The following ULK4 variants were observed in gnomAD, a reference collection of about 807,000 sequenced individuals.
ULK4 encodes the protein inactive serine/threonine-protein kinase ULK4.
Under a neutral mutation model 160.6 loss-of-function variants are expected in ULK4, and 133 were observed. The observed-to-expected ratio is 0.83, with a 90% confidence interval of 0.72 to 0.96. The LOEUF is 0.96. ULK4 is among the 40% of genes least tolerant of loss of function. The probability of loss-of-function intolerance (pLI) is 0.00; values close to 1 mark genes in which losing one functional copy is unlikely to be tolerated. For missense variants in ULK4, 1,580 were observed against 1,499.5 expected, an observed-to-expected ratio of 1.05 and a Z score of -0.89; for synonymous variants, 534 against 539.8, an observed-to-expected ratio of 0.99 and a Z score of 0.15.
intron 31 of ULK4, among the ~76,000 whole-genome samples, chr3:41,595,596 A>G (rs2031639021): frequency 6.6e-6 from 1 of 152,212 alleles, no homozygotes; most frequent in Non-Finnish European, 1.5e-5. Context: ...AGCAAAGGAG[A>G]CCAAGAAGTT....
intron 30 of ULK4, 29 bp from the exon 31 acceptor site, chr3:41,615,746 G>A: frequency 6.2e-7 from 1 of 1,602,614 alleles, no homozygotes; most frequent in South Asian, 1.1e-5. Flanking sequence ...AAAGATAAGT[G>A]CACATTAGAC....
intron 17 of ULK4, chr3:41,882,139 C>G (rs997443024): frequency 1.4e-6 from 1 of 697,666 alleles, no homozygotes; most frequent in Admixed American, 2.0e-5. Context: ...CACTGCCACA[C>G]GGAGTCCCAA....
chr3:41,571,239 C>A (rs147207541), intron 31 of ULK4, among the ~76,000 whole-genome samples: 303 of 152,266 alleles, frequency 2.0e-3, no homozygotes, highest in Middle Eastern at 0.01. Context: ...GACCTTGGAG[C>A]ACAGTAATTG....
At position 41,945,278 on chromosome 3, in the gene ULK4, C is replaced by T. The variant is rs550873411; in HGVS notation, c.139-7081G>A. Among the ~76,000 whole-genome samples, 14 of 152,246 alleles carry T rather than the reference C, an allele frequency of 9.2e-5. No homozygotes were observed. The East Asian group carries it at 2.3e-3, about 25-fold the overall frequency. ...CGGCAAATGGATGGATGCCTTGGGG[C>T]CTTTACCACTTACATCAGTTTGGAA... On this transcript the variant is annotated intron_variant, in intron 2 of 36. Transcript: ENST00000301831.
chr3:41,589,838 A>G (rs2031144943), intron 31 of ULK4, among the ~76,000 whole-genome samples: 1 of 152,178 alleles, frequency 6.6e-6, no homozygotes, highest in Admixed American at 6.5e-5. Context: ...GGGACTCATA[A>G]AAAGAAAAAT....
At chr3:41,692,493 C>A (rs1414252046) in intron 27 of ULK4, among the ~76,000 whole-genome samples, 1 of 151,442 alleles carries the variant, frequency 6.6e-6, no homozygotes, top group Non-Finnish European at 1.5e-5. Context: ...AGAATTTATA[C>A]ATATACGTTA....
At chr3:41,953,979 C>T (rs1382925278) in intron 2 of ULK4, among the ~76,000 whole-genome samples, 3 of 151,778 alleles carry the variant, frequency 2.0e-5, no homozygotes, top group Non-Finnish European at 2.9e-5. Flanking sequence ...GTCAGGAGAT[C>T]GAGACCATCC....
At chr3:41,750,607 T>C (rs2038587154) in intron 22 of ULK4, among the ~76,000 whole-genome samples, 1 of 152,058 alleles carries the variant, frequency 6.6e-6, no homozygotes, top group African/African-American at 2.4e-5. Context: ...GTTCTAGACT[T>C]TCCAAAACAA....
intron 32 of ULK4, among the ~76,000 whole-genome samples, chr3:41,502,010 C>T (rs530892624): frequency 2.9e-4 from 44 of 152,326 alleles, no homozygotes; most frequent in African/African-American, 1.0e-3. Flanking sequence ...ATCCATATTG[C>T]TACAAATCAT....
intron 19 of ULK4, among the ~76,000 whole-genome samples, chr3:41,811,474 T>C (rs1384312568): frequency 6.6e-6 from 1 of 152,190 alleles, no homozygotes; most frequent in Admixed American, 6.5e-5. Flanking sequence ...ACATGGGCTA[T>C]TGGTTCTGGT....
intron 35 of ULK4, among the ~76,000 whole-genome samples, chr3:41,301,008 C>T (rs1407090088): frequency 6.6e-6 from 1 of 151,384 alleles, no homozygotes; most frequent in East Asian, 1.9e-4. Context: ...CTGAATTCCT[C>T]AGGCTCAGGG....
chr3:41,438,284 T>A (rs928403786), intron 34 of ULK4, among the ~76,000 whole-genome samples: 5 of 152,166 alleles, frequency 3.3e-5, no homozygotes, highest in African/African-American at 1.2e-4. Context: ...CATATAACTT[T>A]TTTTGTAACC....
rs202044851 is a variant in ULK4, at chr3:41,896,832, T to A, written c.1520A>T (p.His507Leu). ...GHQEVATRLL[H>L]SPLFQLLIQH... Reference sequence around the variant, plus strand: ...GTCACACAGGCTTACCAGGGGGGAATGGAGGAGCCTGGTGGCCACCTCCTG... The same window carrying A: ...GTCACACAGGCTTACCAGGGGGGAAAGGAGGAGCCTGGTGGCCACCTCCTG... The change falls in exon 15 of 37, where the codon CAT (histidine) becomes CTT (leucine). Residue 507 changes from histidine to leucine, a missense_variant. Coordinates refer to ENST00000301831, the MANE Select transcript of ULK4 (RefSeq NM_017886.4). The A allele has an allele frequency of 6.2e-7, 1 of 1,612,318 alleles. No individual in the cohort carries two copies. Among genetic ancestry groups the A allele is most frequent in the African/African-American group, 1.3e-5 (1 of 74,884 alleles).
chr3:41,862,569 G>T (rs1007510218), intron 17 of ULK4, among the ~76,000 whole-genome samples: 1 of 152,068 alleles, frequency 6.6e-6, no homozygotes, highest in Non-Finnish European at 1.5e-5. Context: ...TATTTGAAAG[G>T]ACTTGGGTGT....
chr3:41,451,687 C>T (rs2083428405), intron 34 of ULK4, among the ~76,000 whole-genome samples: 2 of 151,876 alleles, frequency 1.3e-5, no homozygotes, highest in South Asian at 2.1e-4. Flanking sequence ...GGGGATAGCA[C>T]CACGTAGAAA....
chr3:41,694,895 A>G (rs1482134880), intron 27 of ULK4, among the ~76,000 whole-genome samples: 1 of 152,198 alleles, frequency 6.6e-6, no homozygotes, highest in African/African-American at 2.4e-5. Flanking sequence ...CTGTGACTAT[A>G]TGGTATGTAT....
intron 5 of ULK4, among the ~76,000 whole-genome samples, chr3:41,921,348 A>C (rs552401950): frequency 1.6e-4 from 24 of 152,238 alleles, no homozygotes; most frequent in African/African-American, 5.5e-4. Flanking sequence ...ACGGTGGCTC[A>C]CACCTGTAAT....
intron 22 of ULK4, among the ~76,000 whole-genome samples, chr3:41,721,220 G>T (rs78246388): frequency 0.068 from 9,601 of 141,088 alleles, 1,153 homozygotes; most frequent in African/African-American, 0.23. Flanking sequence ...GGTAATCCAG[G>T]GTAATGGAAG....
chr3:41,789,899 C>A, intron 20 of ULK4, 56 bp from the exon 21 acceptor site: 2 of 1,402,336 alleles, frequency 1.4e-6, no homozygotes, highest in South Asian at 1.7e-5. Context: ...CAATCATTCC[C>A]CTGAAAGGTA....
Sources: allele counts gnomAD v4.1 joint callset (sites outside exome capture counted in the v4.1 genomes callset), GRCh38; gene constraint gnomAD v4.1.1; transcripts MANE v1.5; gene names NCBI Gene and HGNC (gene_info 2026-07-23, HGNC 2026-07-21).